The following LHX6 variants were observed in gnomAD, a reference collection of about 807,000 sequenced individuals.
LHX6 encodes the protein LIM/homeobox protein Lhx6.
In LHX6, 15 loss-of-function variants were observed where a neutral mutation model predicts 47.1. The observed-to-expected ratio is 0.32, with a 90% CI of 0.21 to 0.49. The LOEUF is 0.49. Ranked by LOEUF, LHX6 falls within the 20% of genes least tolerant of loss-of-function variation. The pLI, the probability that LHX6 is intolerant of heterozygous loss-of-function variation, is 0.99. For synonymous variants in LHX6, 242 were observed against 233.5 expected (o/e 1.04, Z -0.33); for missense variants, 404 against 539.6 (o/e 0.75, Z 2.49).
intron 4 of LHX6, among the ~76,000 whole-genome samples, chr9:122,219,603 G>A (rs964479745): frequency 3.3e-5 from 5 of 152,194 alleles, no homozygotes; most frequent in Non-Finnish European, 4.4e-5. Context: ...GCCGCGCGTA[G>A]AGACCTTACT....
At position 122,204,690 on chromosome 9, in the gene LHX6, G is replaced by A. The variant is rs776595541; in HGVS notation, c.*70C>T. 2.1e-5 allele frequency: 34 copies of A among 1,582,018 alleles called. No homozygotes were observed. In the Admixed American group the frequency reaches 3.5e-4, roughly 16 times the overall value. On this transcript the variant is annotated 3_prime_UTR_variant, in exon 10 of 10. Coordinates refer to ENST00000394319, the MANE Select transcript of LHX6 (RefSeq NM_014368.5). ...TGGGTGGACTCCTGGCCGCAGCTTG[G>A]ACACTGGATCTCAGCGGCTGAGGGG...
At chr9:122,227,674 A>G (rs913708143) in intron 1 of LHX6, 194 bp from the exon 2 acceptor site, 7 of 1,226,198 alleles carry the variant, frequency 5.7e-6, no homozygotes, top group Non-Finnish European at 7.4e-6. Context: ...TTTGGATTGG[A>G]TTTTTTCCCT....
At chr9:122,206,109 T>C (rs2118818583) in intron 9 of LHX6, among the ~76,000 whole-genome samples, 1 of 152,326 alleles carries the variant, frequency 6.6e-6, no homozygotes, top group East Asian at 1.9e-4. Flanking sequence ...TTCTAAGAAC[T>C]TTCCAAGTGT....
rs551262278 is a variant in LHX6, at chr9:122,214,249, C to T, written c.783+34G>A. Reference sequence around the variant, plus strand: ...CGGCCCCGCCCACTTTCGGCCCGGCCCCCGCCCCCGCCGCCCACTGCTTGC... The same window carrying T: ...CGGCCCCGCCCACTTTCGGCCCGGCTCCCGCCCCCGCCGCCCACTGCTTGC... On this transcript the variant is annotated intron_variant, in intron 6 of 9. Coordinates refer to ENST00000394319, the MANE Select transcript of LHX6 (RefSeq NM_014368.5). This position sits in a 1 kb window ranked among gnomAD's most constrained non-coding sequence, Gnocchi z 4.6. 1.3e-6 allele frequency: 2 copies of T among 1,537,928 alleles called. No individual in the cohort carries two copies. The highest frequency in any genetic ancestry group is 1.4e-5 in the African/African-American group (1 of 71,094).
chr9:122,227,763 G>A (rs1831172770), intron 1 of LHX6: 1 of 489,966 alleles, frequency 2.0e-6, no homozygotes, highest in Non-Finnish European at 3.3e-6. Flanking sequence ...AGCCTCTGAG[G>A]GGGGAAGAAA....
intron 1 of LHX6, 124 bp downstream of exon 1, chr9:122,228,533 A>G: frequency 8.1e-7 from 1 of 1,239,170 alleles, no homozygotes; most frequent in South Asian, 1.6e-5. Context: ...ACAAGCACAC[A>G]CTCACAGGCG....
chr9:122,214,049 C>T lies in LHX6; in HGVS notation c.804G>A (p.Ala268=), dbSNP rs768108756. The change falls in exon 7 of 10, where the codon GCG becomes GCA. Residue 268 remains alanine, a synonymous_variant. Coordinates refer to ENST00000394319, the MANE Select transcript of LHX6 (RefSeq NM_014368.5). The surrounding 1 kb of genome is among the most constrained non-coding windows in gnomAD (Gnocchi z 4.6). ...TCTGAGCGTCGGGGTTGTTGTCCTGCGCGAACTGCGCCTGCATAACCTGCG... is the reference window on the plus strand; with the variant it reads ...TCTGAGCGTCGGGGTTGTTGTCCTGTGCGAACTGCGCCTGCATAACCTGCG... The part of the protein sequence containing the change: ...EQLQVMQAQF[A]QDNNPDAQTL... 9 of 1,601,372 alleles carry T rather than the reference C, an allele frequency of 5.6e-6. No individual in the cohort carries two copies. The highest frequency in any genetic ancestry group is 7.6e-6 in the Non-Finnish European group (9 of 1,179,224).
At chr9:122,218,340 C>T (rs1830677152) in intron 4 of LHX6, among the ~76,000 whole-genome samples, 1 of 152,140 alleles carries the variant, frequency 6.6e-6, no homozygotes, top group African/African-American at 2.4e-5. Context: ...GAGAATGGTG[C>T]CACCACTTAC....
Position 122,228,720 on chromosome 9 carries a change from G to C in LHX6, c.21C>G (p.Asn7Lys), listed in dbSNP as rs1381559473. The C allele has an allele frequency of 7.0e-6, 9 of 1,292,966 alleles. No homozygotes were observed. Among genetic ancestry groups the C allele is most frequent in the South Asian group, 2.7e-5 (1 of 37,136 alleles). 80.1% of individuals were successfully genotyped at this position (1,292,966 alleles called of 1,614,324 possible). A position where few individuals can be genotyped will look rare whatever the true frequency, so the allele number is the denominator to read the frequency against. The change falls in exon 1 of 10, where the codon AAC (asparagine) becomes AAG (lysine). Residue 7 changes from asparagine (N) to lysine (K), a missense_variant. Around this residue, in one of 7 missense-constraint regions of LHX6, gnomAD observed 144 missense variants for 128.7 expected, o/e 1.12. Transcript: ENST00000394319. ...AGCCCTCGGGCAACGCCGGGGCGGC[G>C]TTCTCATGCTTCCAGTACATGGGCC... Reference protein sequence around the residue: MYWKHENAAPALPEGCR... With the variant: MYWKHEKAAPALPEGCR...
At chr9:122,207,160 T>C (rs918815473) in intron 9 of LHX6, among the ~76,000 whole-genome samples, 21 of 152,160 alleles carry the variant, frequency 1.4e-4, no homozygotes, top group African/African-American at 5.1e-4. Flanking sequence ...CTGAGGCAGG[T>C]GGCTCTAGGA....
chr9:122,219,885 C>A (rs1196572957), intron 4 of LHX6, among the ~76,000 whole-genome samples: 1 of 152,240 alleles, frequency 6.6e-6, no homozygotes, highest in Admixed American at 6.5e-5. Flanking sequence ...CTGGCAGCGC[C>A]GCGTCCTCTC....
chr9:122,211,126 T>A (rs1158367365), intron 8 of LHX6, among the ~76,000 whole-genome samples: 3 of 152,232 alleles, frequency 2.0e-5, no homozygotes, highest in African/African-American at 7.2e-5. Flanking sequence ...CTTCAGCCTG[T>A]TTATCACTAC....
chr9:122,213,336 G>A lies in LHX6; in HGVS notation c.1054+270C>T, dbSNP rs1428944858. 1.3e-5 allele frequency among the ~76,000 whole-genome samples: 2 copies of A among 152,242 alleles called. No individual in the cohort carries two copies. The highest frequency in any genetic ancestry group is 6.5e-5 in the Admixed American group (1 of 15,300). Reference sequence around the variant, plus strand: ...AGCCTGTTCTCTCCCCAGTCTCCGGGCACTGGCACATTGTGGGTGCTTTGA... The same window carrying A: ...AGCCTGTTCTCTCCCCAGTCTCCGGACACTGGCACATTGTGGGTGCTTTGA... On this transcript the variant is annotated intron_variant, in intron 8 of 9. Transcript: ENST00000394319. The surrounding 1 kb of genome is among the most constrained non-coding windows in gnomAD (Gnocchi z 5.5).
intron 4 of LHX6, chr9:122,221,358 G>A (rs920585812): frequency 5.1e-6 from 5 of 985,540 alleles, no homozygotes; most frequent in South Asian, 9.4e-5. Flanking sequence ...CCGCCGCTGG[G>A]CCGCTCTCTG....
intron 9 of LHX6, 89 bp from the exon 10 acceptor site, chr9:122,204,869 G>T: frequency 1.1e-6 from 1 of 899,286 alleles, no homozygotes; most frequent in South Asian, 2.1e-5. Flanking sequence ...CAGAGAAGAA[G>T]GGTGGACTCA....
rs2118854926 is a variant in LHX6 at position 122,214,208 on chromosome 9, A to G, written c.783+75T>C. On this transcript the variant is annotated intron_variant, in intron 6 of 9. Transcript: ENST00000394319. The surrounding 1 kb of genome is among the most constrained non-coding windows in gnomAD (Gnocchi z 4.6). ...CACCCGGGTCCGGCCCGAGGGGCGG[A>G]GCCAGGAGACATTGTCGGCCCCGCC... The G allele has an allele frequency of 4.8e-6, 4 of 831,386 alleles. No individual in the cohort carries two copies. The highest frequency in any genetic ancestry group is 7.1e-6 in the Non-Finnish European group (4 of 566,248). 51.5% of individuals were successfully genotyped at this position (831,386 alleles called of 1,614,324 possible).
At chr9:122,228,316 G>C (rs1831195344) in intron 1 of LHX6, 2 of 1,534,762 alleles carry the variant, frequency 1.3e-6, no homozygotes, top group Middle Eastern at 1.7e-4. Context: ...CCGGCCCCGC[G>C]TCGGGATTCT....
intron 4 of LHX6, among the ~76,000 whole-genome samples, chr9:122,218,403 C>T (rs1377270770): frequency 6.6e-6 from 1 of 152,158 alleles, no homozygotes; most frequent in Non-Finnish European, 1.5e-5. Context: ...TCTCCTCAAC[C>T]CCTCATCCAG....
Position 122,226,710 on chromosome 9 carries a change from G to T in LHX6, c.339+138C>A. 8.0e-7 allele frequency: 1 copy of T among 1,246,920 alleles called. No individual in the cohort carries two copies. The highest frequency in any genetic ancestry group is 1.1e-6 in the Non-Finnish European group (1 of 917,406). 77.2% of individuals were successfully genotyped at this position (1,246,920 alleles called of 1,614,324 possible). On this transcript the variant is annotated intron_variant, in intron 3 of 9. Coordinates refer to ENST00000394319, the MANE Select transcript of LHX6 (RefSeq NM_014368.5). The surrounding 1 kb of genome is among the most constrained non-coding windows in gnomAD (Gnocchi z 6.5). ...ACCCGGGGGCTCAGGCAGACCCTAA[G>T]TCTTGCCCAAAGCTTCGCAGTCGGG...
Sources: allele counts gnomAD v4.1 joint callset (sites outside exome capture counted in the v4.1 genomes callset), GRCh38; gene constraint gnomAD v4.1.1; regional missense constraint gnomAD v4.1.1; non-coding constraint Gnocchi (gnomAD v3.1); transcripts MANE v1.5; gene names NCBI Gene and HGNC (gene_info 2026-07-23, HGNC 2026-07-21).